Variants in AOAH observed in about 807,000 individuals in gnomAD.
The protein encoded by AOAH is acyloxyacyl hydrolase (neutrophil).
AOAH carries 64 observed loss-of-function variants against 92.2 expected under a neutral mutation model. That is an observed-to-expected ratio of 0.69 (90% CI 0.57 to 0.86). The LOEUF is 0.86. AOAH is among the 40% of genes least tolerant of loss of function. The probability of loss-of-function intolerance (pLI) is 0.00; values close to 1 mark genes in which losing one functional copy is unlikely to be tolerated. For synonymous variants in AOAH, 263 were observed against 254.5 expected (o/e 1.03, Z -0.32); for missense variants, 656 against 694.6 (o/e 0.94, Z 0.62).
chr7:36,536,960 A>AAC (rs1360877626), intron 16 of AOAH, among the ~76,000 whole-genome samples: 7 of 148,366 alleles, frequency 4.7e-5, no homozygotes, highest in Non-Finnish European at 7.4e-5. Flanking sequence ...AAAAAAAAAA[A>AAC]AAAAAAAAAA....
rs1793631279 is a variant in AOAH, at chr7:36,637,879, C to G, written c.422G>C (p.Arg141Thr). 1 of 1,614,070 alleles carries G rather than the reference C, an allele frequency of 6.2e-7. No individual in the cohort carries two copies. The highest frequency in any genetic ancestry group is 8.5e-7 in the Non-Finnish European group (1 of 1,179,940). Residue 141 changes from arginine (R) to threonine (T), a missense_variant, in exon 5 of 21, where the codon AGA (arginine) becomes ACA (threonine). By Grantham distance (71) the Arg-to-Thr change is moderately conservative (BLOSUM62 -1). Coordinates refer to ENST00000617537, the MANE Select transcript of AOAH (RefSeq NM_001637.4). ...AATCGGGGACTTCTTGACAATTTGT[C>G]TTGCCTTCTGTAGTGTAAATTTCCA... ...ETWKFTLQKA[R>T]QIVKKSPILK...
intron 15 of AOAH, among the ~76,000 whole-genome samples, chr7:36,546,032 A>T (rs1001553436): frequency 6.6e-6 from 1 of 152,266 alleles, no homozygotes; most frequent in African/African-American, 2.4e-5. Flanking sequence ...GAGTTAGCCT[A>T]AATCAAATTG....
At chr7:36,545,614 G>A (rs900894217) in intron 15 of AOAH, among the ~76,000 whole-genome samples, 7 of 152,132 alleles carry the variant, frequency 4.6e-5, no homozygotes, top group African/African-American at 1.4e-4. Flanking sequence ...GGGTGGTTCT[G>A]GCTCTCTCCA....
Position 36,530,526 on chromosome 7 carries a change from G to C in AOAH, c.1426-12C>G. The C allele has an allele frequency of 6.4e-7, 1 of 1,568,868 alleles. No homozygotes were observed. Among genetic ancestry groups the C allele is most frequent in the Middle Eastern group, 1.7e-4 (1 of 5,974 alleles). On this transcript the variant is annotated splice_polypyrimidine_tract_variant and intron_variant, in intron 18 of 20. Transcript: ENST00000617537. ...AGTTGCTCTGCTCTCTGAAGAGAGA[G>C]GAAACAGGGAGAATTTCATGAAATC...
At chr7:36,721,876 C>A (rs1799653143) in intron 1 of AOAH, among the ~76,000 whole-genome samples, 1 of 152,204 alleles carries the variant, frequency 6.6e-6, no homozygotes, top group Non-Finnish European at 1.5e-5. Flanking sequence ...GTGCCTGTTT[C>A]CAGACCCAAA....
At chr7:36,569,636 T>C (rs1163098045) in intron 13 of AOAH, among the ~76,000 whole-genome samples, 1 of 151,320 alleles carries the variant, frequency 6.6e-6, no homozygotes, top group South Asian at 2.1e-4. Flanking sequence ...TTAGATGGAG[T>C]TTCCACTCTT....
At chr7:36,685,646 G>A (rs1007318271) in intron 2 of AOAH, among the ~76,000 whole-genome samples, 26 of 152,196 alleles carry the variant, frequency 1.7e-4, no homozygotes, top group Admixed American at 1.2e-3. Flanking sequence ...AAGTTCATGT[G>A]AAGGGTTCCT....
intron 12 of AOAH, among the ~76,000 whole-genome samples, chr7:36,588,854 C>G (rs1304908181): frequency 6.6e-6 from 1 of 152,156 alleles, no homozygotes; most frequent in Non-Finnish European, 1.5e-5. Flanking sequence ...TTTGCTACAT[C>G]TTTGGTTCAA....
intron 4 of AOAH, among the ~76,000 whole-genome samples, chr7:36,657,414 G>T (rs1170740376): frequency 6.6e-6 from 1 of 152,180 alleles, no homozygotes; most frequent in Non-Finnish European, 1.5e-5. Context: ...ACAAGATCAA[G>T]TGTGAGCCTC....
At chr7:36,641,683 A>G (rs1222966569) in intron 4 of AOAH, among the ~76,000 whole-genome samples, 1 of 152,034 alleles carries the variant, frequency 6.6e-6, no homozygotes, top group Non-Finnish European at 1.5e-5. Flanking sequence ...ACATTATAAC[A>G]CACTCCCATG....
intron 12 of AOAH, among the ~76,000 whole-genome samples, chr7:36,582,229 C>T (rs1302507563): frequency 4.6e-5 from 7 of 152,258 alleles, no homozygotes; most frequent in East Asian, 1.9e-4. Flanking sequence ...TATCAAAATC[C>T]GGTCCAATGT....
chr7:36,638,308 A>AC (rs1051907009), intron 4 of AOAH, among the ~76,000 whole-genome samples: 6 of 151,702 alleles, frequency 4.0e-5, no homozygotes, highest in Non-Finnish European at 7.4e-5. Flanking sequence ...GGTGTCTAAA[A>AC]CCCCCCAGCA....
chr7:36,674,672 A>G (rs1194088059), intron 2 of AOAH, among the ~76,000 whole-genome samples: 1 of 152,202 alleles, frequency 6.6e-6, no homozygotes, highest in East Asian at 1.9e-4. Flanking sequence ...TTGTGAGTCT[A>G]TTGTGGAGCC....
chr7:36,530,637 T>C (rs1784640161), intron 18 of AOAH, 123 bp from the exon 19 acceptor site: 1 of 646,962 alleles, frequency 1.5e-6, no homozygotes, highest in South Asian at 1.9e-5. Flanking sequence ...CTCCAAGCCA[T>C]CAGCAGACAG....
intron 14 of AOAH, among the ~76,000 whole-genome samples, chr7:36,548,999 C>T (rs1786000037): frequency 6.6e-6 from 1 of 152,174 alleles, no homozygotes; most frequent in Non-Finnish European, 1.5e-5. Context: ...CATCAATAAG[C>T]ACAGGCGAGT....
At chr7:36,642,129 G>A (rs1793956665) in intron 4 of AOAH, among the ~76,000 whole-genome samples, 2 of 152,050 alleles carry the variant, frequency 1.3e-5, no homozygotes, top group Non-Finnish European at 2.9e-5. Flanking sequence ...TGGAAAAAGA[G>A]TCATTGCAGG....
At chr7:36,587,883 T>C (rs1789467349) in intron 12 of AOAH, among the ~76,000 whole-genome samples, 1 of 152,194 alleles carries the variant, frequency 6.6e-6, no homozygotes. Flanking sequence ...ATAAAGTATC[T>C]GCCATATATC....
At chr7:36,573,999 G>C (rs1240013331) in intron 13 of AOAH, among the ~76,000 whole-genome samples, 4 of 152,078 alleles carry the variant, frequency 2.6e-5, no homozygotes, top group Non-Finnish European at 4.4e-5. Flanking sequence ...GAGAGTAATT[G>C]AAGTAATTTA....
intron 2 of AOAH, 74 bp downstream of exon 2, chr7:36,686,625 G>T: frequency 1.3e-6 from 1 of 761,932 alleles, no homozygotes; most frequent in Non-Finnish European, 2.0e-6. Flanking sequence ...TGGGCAGGAA[G>T]TAAAGGCAGT....
Sources: allele counts gnomAD v4.1 joint callset (sites outside exome capture counted in the v4.1 genomes callset), GRCh38; gene constraint gnomAD v4.1.1; transcripts MANE v1.5; gene names NCBI Gene and HGNC (gene_info 2026-07-23, HGNC 2026-07-21).